TBCCD1: variants seen among roughly 807,000 people sequenced by gnomAD.
The protein encoded by TBCCD1 is TBCC domain-containing protein 1.
A neutral mutation model predicts 53.4 loss-of-function variants in TBCCD1; 26 were observed. The observed-to-expected ratio is 0.49, with a 90% CI of 0.36 to 0.68. The LOEUF is 0.68. Among genes scored for constraint, TBCCD1 ranks in the 30% least tolerant of loss-of-function variants. The pLI is 0.00. For missense variants in TBCCD1, 558 were observed against 669.5 expected (o/e 0.83, Z 1.84); for synonymous variants, 245 against 241.7 (o/e 1.01, Z -0.13).
At chr3:186,547,075 G>A (rs998393395) in intron 7 of TBCCD1, 120 bp from the exon 8 acceptor site, 2 of 152,090 alleles carry the variant, frequency 1.3e-5, no homozygotes, top group African/African-American at 4.8e-5. Flanking sequence ...ATAGATTAGA[G>A]TGATAAGATA....
rs963000274 is a variant in TBCCD1, at chr3:186,546,223, T to C, written c.*754A>G. 1 of 152,226 alleles carries C rather than the reference T, an allele frequency of 6.6e-6. No individual in the cohort carries two copies. Among genetic ancestry groups the C allele is most frequent in the African/African-American group, 2.4e-5 (1 of 41,458 alleles). The allele number at this position is 152,226 out of a possible 1,614,324, so 9.4% of individuals were successfully genotyped here. A position where few individuals can be genotyped will look rare whatever the true frequency, so the allele number is the denominator to read the frequency against. On this transcript the variant is annotated 3_prime_UTR_variant, in exon 8 of 8. Coordinates refer to ENST00000338733, the MANE Select transcript of TBCCD1 (RefSeq NM_018138.5). ...ACAAATCATACTTCCTTTCCAATTATTTTTTAAAAGGAGTAGCAATTTCCT... is the reference window on the plus strand; with the variant it reads ...ACAAATCATACTTCCTTTCCAATTACTTTTTAAAAGGAGTAGCAATTTCCT...
intron 2 of TBCCD1, among the ~76,000 whole-genome samples, chr3:186,561,333 GA>G (rs1025088409): frequency 6.6e-6 from 1 of 152,120 alleles, no homozygotes; most frequent in Admixed American, 6.5e-5. Flanking sequence ...ACAGGTATAC[GA>G]AAAGGTGCTC....
chr3:186,569,662 G>A (rs955057272), upstream of TBCCD1, among the ~76,000 whole-genome samples: 1 of 151,110 alleles, frequency 6.6e-6, no homozygotes, highest in Non-Finnish European at 1.5e-5. Flanking sequence ...TGAGGGACAG[G>A]GATGAGCAAC....
intron 5 of TBCCD1, 60 bp downstream of exon 5, chr3:186,554,838 A>G (rs768521099): frequency 1.5e-4 from 235 of 1,597,342 alleles, no homozygotes; most frequent in Middle Eastern, 1.7e-4. Context: ...GCAAAAAAAG[A>G]ATCAGTCACA....
chr3:186,557,785 T>C (rs1714582688), intron 3 of TBCCD1, among the ~76,000 whole-genome samples: 1 of 152,138 alleles, frequency 6.6e-6, no homozygotes. Context: ...TTAGAAAAGT[T>C]CCAAATAGCA....
chr3:186,560,307 T>C (rs773737809), intron 2 of TBCCD1, among the ~76,000 whole-genome samples: 14 of 152,240 alleles, frequency 9.2e-5, no homozygotes, highest in Non-Finnish European at 1.6e-4. Flanking sequence ...ATTTGATTAA[T>C]GAATAAATGT....
At chr3:186,548,817 C>G (rs1221993259) in intron 7 of TBCCD1, among the ~76,000 whole-genome samples, 1 of 151,848 alleles carries the variant, frequency 6.6e-6, no homozygotes, top group African/African-American at 2.4e-5. Context: ...AATAACAATA[C>G]TGTGTGATCT....
At chr3:186,558,640 T>C in intron 2 of TBCCD1, 68 bp from the exon 3 acceptor site, 3 of 1,514,692 alleles carry the variant, frequency 2.0e-6, no homozygotes, top group Non-Finnish European at 2.7e-6. Flanking sequence ...AACAACTAAG[T>C]AGACATAGTA....
chr3:186,570,417 A>C, upstream of TBCCD1: 3 of 478,412 alleles, frequency 6.3e-6, no homozygotes. Context: ...GGAAGTGGGC[A>C]AGCCGGAGGG....
chr3:186,567,554 CTT>C (rs1018333843), upstream of TBCCD1: 1 of 152,286 alleles, frequency 6.6e-6, no homozygotes, highest in African/African-American at 2.4e-5. Context: ...GGGTAGGAAG[CTT>C]TCTGTTGCTC....
At chr3:186,561,523 C>T (rs1714688842) in intron 2 of TBCCD1, among the ~76,000 whole-genome samples, 1 of 152,216 alleles carries the variant, frequency 6.6e-6, no homozygotes. Flanking sequence ...GGCGCGGTGG[C>T]TCACGCCTGT....
chr3:186,561,067 T>C (rs778460143), intron 2 of TBCCD1, among the ~76,000 whole-genome samples: 16 of 152,310 alleles, frequency 1.1e-4, no homozygotes, highest in African/African-American at 3.4e-4. Flanking sequence ...TTGGTAATGA[T>C]TGTTTGGATA....
intron 1 of TBCCD1, among the ~76,000 whole-genome samples, chr3:186,565,981 T>C (rs903900221): frequency 2.0e-5 from 3 of 152,084 alleles, no homozygotes; most frequent in African/African-American, 7.2e-5. Flanking sequence ...ATATGACTGA[T>C]GAAAATTTTA....
chr3:186,549,676 C>A (rs1714313797), intron 7 of TBCCD1, among the ~76,000 whole-genome samples: 1 of 152,110 alleles, frequency 6.6e-6, no homozygotes, highest in Non-Finnish European at 1.5e-5. Context: ...AAAAAGAAAT[C>A]GCTGAGTCAG....
chr3:186,552,732 T>C (rs1714416572), intron 6 of TBCCD1, among the ~76,000 whole-genome samples: 1 of 152,228 alleles, frequency 6.6e-6, no homozygotes. Flanking sequence ...ACCTGTTTAC[T>C]GAGTTGAAAC....
At chr3:186,561,650 A>C (rs1418965478) in intron 2 of TBCCD1, among the ~76,000 whole-genome samples, 1 of 152,212 alleles carries the variant, frequency 6.6e-6, no homozygotes, top group Admixed American at 6.5e-5. Context: ...CTAGCCGGGC[A>C]TGGTGGTGGG....
intron 7 of TBCCD1, among the ~76,000 whole-genome samples, chr3:186,548,255 G>GA (rs1714270039): frequency 6.6e-6 from 1 of 152,170 alleles, no homozygotes; most frequent in Non-Finnish European, 1.5e-5. Flanking sequence ...CTAACTGAAA[G>GA]AACCCAGACA....
intron 2 of TBCCD1, among the ~76,000 whole-genome samples, chr3:186,560,539 T>G (rs1347422163): frequency 6.6e-6 from 1 of 152,216 alleles, no homozygotes; most frequent in Non-Finnish European, 1.5e-5. Context: ...CTTTCAAGCC[T>G]AATAATAAAA....
chr3:186,549,651 A>T (rs554445354), intron 7 of TBCCD1, among the ~76,000 whole-genome samples: 1 of 152,306 alleles, frequency 6.6e-6, no homozygotes, highest in Non-Finnish European at 1.5e-5. Context: ...ATTAGACCTC[A>T]TCTCTAGAAA....
Sources: allele counts gnomAD v4.1 joint callset (sites outside exome capture counted in the v4.1 genomes callset), GRCh38; gene constraint gnomAD v4.1.1; transcripts MANE v1.5; gene names NCBI Gene and HGNC (gene_info 2026-07-23, HGNC 2026-07-21).